The following ARHGAP15 variants were observed in gnomAD, a reference collection of about 807,000 sequenced individuals.
The protein encoded by ARHGAP15 is rho GTPase-activating protein 15.
In ARHGAP15, 51 loss-of-function variants were observed where a neutral mutation model predicts 63.7. The ratio of observed to expected loss-of-function variants is 0.80; its 90% CI spans 0.64 to 1.01. The LOEUF (loss-of-function observed/expected upper bound fraction) is 1.01, where lower values mean the gene tolerates loss of function less well. ARHGAP15 is among the 50% of genes least tolerant of loss of function. The probability of loss-of-function intolerance (pLI) is 0.00; values close to 1 mark genes in which losing one functional copy is unlikely to be tolerated. For missense variants in ARHGAP15, 560 were observed against 564.6 expected, an observed-to-expected ratio of 0.99 and a Z score of 0.08; for synonymous variants, 191 against 193.8, an observed-to-expected ratio of 0.99 and a Z score of 0.12.
chr2:143,552,681 A>G (rs1695622854), intron 10 of ARHGAP15, among the ~76,000 whole-genome samples: 1 of 152,218 alleles, frequency 6.6e-6, no homozygotes, highest in African/African-American at 2.4e-5. Context: ...GAACGAATAA[A>G]CAATATTTCA....
chr2:143,532,195 C>A (rs1430286977), intron 10 of ARHGAP15, among the ~76,000 whole-genome samples: 2 of 152,156 alleles, frequency 1.3e-5, no homozygotes, highest in Non-Finnish European at 2.9e-5. Flanking sequence ...ATAATGCATC[C>A]TTATGAGAGA....
chr2:143,490,092 T>C (rs868587303), intron 9 of ARHGAP15, among the ~76,000 whole-genome samples: 2 of 151,856 alleles, frequency 1.3e-5, no homozygotes, highest in African/African-American at 2.4e-5. Context: ...CTCTGCCTCC[T>C]GGGTTCACGC....
intron 6 of ARHGAP15, among the ~76,000 whole-genome samples, chr2:143,323,773 G>C (rs1009664768): frequency 6.6e-6 from 1 of 151,472 alleles, no homozygotes. Context: ...TGTAGTCTCA[G>C]CTACTCCTAC....
chr2:143,443,019 T>G (rs1160770422), intron 8 of ARHGAP15, among the ~76,000 whole-genome samples: 1 of 152,142 alleles, frequency 6.6e-6, no homozygotes, highest in African/African-American at 2.4e-5. Context: ...TTGAGACCTT[T>G]CTGGGAACTA....
intron 3 of ARHGAP15, among the ~76,000 whole-genome samples, chr2:143,209,557 TA>T (rs3070816): frequency 1.7e-4 from 25 of 148,464 alleles, no homozygotes; most frequent in Admixed American, 6.7e-4. Flanking sequence ...TGTGCTATGA[TA>T]AAAAAAAAAC....
intron 13 of ARHGAP15, among the ~76,000 whole-genome samples, chr2:143,765,695 T>G (rs1215161989): frequency 6.6e-6 from 1 of 152,136 alleles, no homozygotes; most frequent in African/African-American, 2.4e-5. Context: ...GATCGTATAG[T>G]CAGGTGGAAG....
intron 13 of ARHGAP15, among the ~76,000 whole-genome samples, chr2:143,728,331 T>G (rs898396172): frequency 6.6e-6 from 1 of 152,206 alleles, no homozygotes; most frequent in South Asian, 2.1e-4. Context: ...CCTAATGGCC[T>G]TATTTTTAAC....
chr2:143,148,935 A>G (rs886598029), intron 1 of ARHGAP15, among the ~76,000 whole-genome samples: 1 of 152,070 alleles, frequency 6.6e-6, no homozygotes, highest in Admixed American at 6.6e-5. Flanking sequence ...GGTGGAGACA[A>G]CAAACAATTG....
chr2:143,657,073 G>T (rs570517859), intron 12 of ARHGAP15, among the ~76,000 whole-genome samples: 1 of 152,130 alleles, frequency 6.6e-6, no homozygotes, highest in Non-Finnish European at 1.5e-5. Flanking sequence ...GTGGCCGAGC[G>T]TGGTGGCTCA....
At chr2:143,135,719 T>C (rs950177842) in intron 1 of ARHGAP15, among the ~76,000 whole-genome samples, 1 of 152,134 alleles carries the variant, frequency 6.6e-6, no homozygotes, top group Non-Finnish European at 1.5e-5. Flanking sequence ...TCTGGAATAC[T>C]TTTTTCTTCC....
chr2:143,501,378 C>A (rs1693046220), intron 9 of ARHGAP15, among the ~76,000 whole-genome samples: 1 of 152,120 alleles, frequency 6.6e-6, no homozygotes, highest in Non-Finnish European at 1.5e-5. Flanking sequence ...CATAGGAGAC[C>A]ATTTGATATT....
At chr2:143,355,249 A>G (rs1685757404) in intron 6 of ARHGAP15, among the ~76,000 whole-genome samples, 1 of 152,188 alleles carries the variant, frequency 6.6e-6, no homozygotes, top group South Asian at 2.1e-4. Flanking sequence ...CCAATTCTCC[A>G]TATATTTTTA....
chr2:143,615,889 G>T (rs555029188), intron 11 of ARHGAP15, among the ~76,000 whole-genome samples: 79 of 152,262 alleles, frequency 5.2e-4, no homozygotes, highest in African/African-American at 1.8e-3. Flanking sequence ...TAAATAAAAA[G>T]AACCATTGTG....
At chr2:143,231,873 G>C (rs756730973) in intron 5 of ARHGAP15, among the ~76,000 whole-genome samples, 3 of 152,190 alleles carry the variant, frequency 2.0e-5, no homozygotes, top group Non-Finnish European at 4.4e-5. Flanking sequence ...CAGAAAGTGA[G>C]AGAGCAGACG....
intron 11 of ARHGAP15, 40 bp downstream of exon 11, chr2:143,556,525 C>T: frequency 4.1e-6 from 6 of 1,446,540 alleles, no homozygotes; most frequent in Non-Finnish European, 4.9e-6. Context: ...CAAACAGTTT[C>T]ATATGGAACA....
intron 11 of ARHGAP15, chr2:143,587,741 C>A (rs745879570): frequency 4.2e-6 from 2 of 470,594 alleles, no homozygotes; most frequent in Non-Finnish European, 8.8e-6. Flanking sequence ...TGTGGACACC[C>A]CTAGTAAGCT....
intron 6 of ARHGAP15, among the ~76,000 whole-genome samples, chr2:143,325,370 G>A (rs186952442): frequency 1.5e-3 from 225 of 152,054 alleles, no homozygotes; most frequent in Non-Finnish European, 2.5e-3. Context: ...ATACTCTAGA[G>A]CCTCCTCCTC....
At chr2:143,676,686 A>T (rs1682841477) in intron 12 of ARHGAP15, 1 of 152,218 alleles carries the variant, frequency 6.6e-6, no homozygotes, top group African/African-American at 2.4e-5. Flanking sequence ...TGGCATCCCA[A>T]AACAATTACA....
At chr2:143,373,302 C>G (rs145976137) in intron 6 of ARHGAP15, among the ~76,000 whole-genome samples, 2 of 152,218 alleles carry the variant, frequency 1.3e-5, no homozygotes, top group African/African-American at 4.8e-5. Context: ...TTCCAAGAAT[C>G]CATGTGCTTA....
Sources: allele counts gnomAD v4.1 joint callset (sites outside exome capture counted in the v4.1 genomes callset), GRCh38; gene constraint gnomAD v4.1.1; transcripts MANE v1.5; gene names NCBI Gene and HGNC (gene_info 2026-07-23, HGNC 2026-07-21).